SLC9A9: variants seen among roughly 807,000 people sequenced by gnomAD.
SLC9A9 encodes sodium/hydrogen exchanger 9.
SLC9A9 carries 62 observed loss-of-function variants against 77.8 expected under a neutral mutation model. The observed-to-expected ratio is 0.80, with a 90% confidence interval of 0.65 to 0.98. The LOEUF (loss-of-function observed/expected upper bound fraction) is 0.98, where lower values mean the gene tolerates loss of function less well. Among genes scored for constraint, SLC9A9 ranks in the 50% least tolerant of loss-of-function variants. The probability of loss-of-function intolerance (pLI) is 0.00; values close to 1 mark genes in which losing one functional copy is unlikely to be tolerated. For synonymous variants in SLC9A9, 320 were observed against 283.5 expected (o/e 1.13, Z -1.29); for missense variants, 775 against 774.9 (o/e 1.00, Z 0.00).
intron 12 of SLC9A9, among the ~76,000 whole-genome samples, chr3:143,417,736 C>T (rs1048177083): frequency 7.9e-5 from 12 of 151,970 alleles, no homozygotes; most frequent in African/African-American, 2.2e-4. Context: ...ACTCCAGAAC[C>T]GTAAGTAATA....
chr3:143,729,246 G>A (rs1344810781), intron 4 of SLC9A9, among the ~76,000 whole-genome samples: 2 of 152,134 alleles, frequency 1.3e-5, no homozygotes, highest in African/African-American at 4.8e-5. Flanking sequence ...CTATATCACT[G>A]TGTTGGCCCT....
intron 4 of SLC9A9, among the ~76,000 whole-genome samples, chr3:143,716,425 T>C (rs1208184706): frequency 1.3e-5 from 2 of 152,040 alleles, no homozygotes; most frequent in African/African-American, 2.4e-5. Context: ...ACTTAGTTTC[T>C]TATTAAATTT....
chr3:143,364,622 C>T (rs1482306217), intron 13 of SLC9A9, among the ~76,000 whole-genome samples: 2 of 152,114 alleles, frequency 1.3e-5, no homozygotes, highest in Non-Finnish European at 2.9e-5. Flanking sequence ...TGATAAATAG[C>T]TGGACACAAA....
intron 4 of SLC9A9, among the ~76,000 whole-genome samples, chr3:143,740,604 T>G (rs1245263798): frequency 2.0e-5 from 3 of 152,216 alleles, no homozygotes; most frequent in African/African-American, 7.2e-5. Flanking sequence ...GTGATATGCT[T>G]TGATAAACAC....
At chr3:143,778,439 C>T (rs529606501) in intron 4 of SLC9A9, among the ~76,000 whole-genome samples, 2 of 152,248 alleles carry the variant, frequency 1.3e-5, no homozygotes, top group Admixed American at 1.3e-4. Context: ...AAATATCGCA[C>T]AGCAATTTCA....
intron 9 of SLC9A9, among the ~76,000 whole-genome samples, chr3:143,547,103 T>A (rs2036803519): frequency 6.6e-6 from 1 of 152,214 alleles, no homozygotes; most frequent in South Asian, 2.1e-4. Context: ...ATACTTTGCT[T>A]TTCTTTTCCC....
At chr3:143,487,074 G>A (rs1327865070) in intron 11 of SLC9A9, among the ~76,000 whole-genome samples, 3 of 151,772 alleles carry the variant, frequency 2.0e-5, no homozygotes, top group African/African-American at 7.3e-5. Flanking sequence ...AGAGTAAAAG[G>A]CTAGAAAAAG....
At chr3:143,447,388 A>C (rs1348047626) in intron 12 of SLC9A9, among the ~76,000 whole-genome samples, 2 of 152,184 alleles carry the variant, frequency 1.3e-5, no homozygotes, top group African/African-American at 4.8e-5. Context: ...AATTTTACAA[A>C]ATACATTTAC....
chr3:143,751,527 TC>T (rs1166281736), intron 4 of SLC9A9, among the ~76,000 whole-genome samples: 1 of 152,126 alleles, frequency 6.6e-6, no homozygotes, highest in African/African-American at 2.4e-5. Flanking sequence ...TGAAGGGCCA[TC>T]CTGACTCCAG....
At chr3:143,841,209 C>G (rs1032147276) in intron 1 of SLC9A9, among the ~76,000 whole-genome samples, 3 of 151,710 alleles carry the variant, frequency 2.0e-5, no homozygotes, top group African/African-American at 7.3e-5. Context: ...TACACACACG[C>G]ACACACACAC....
At chr3:143,333,119 CT>C (rs1268739069) in intron 14 of SLC9A9, among the ~76,000 whole-genome samples, 5 of 152,128 alleles carry the variant, frequency 3.3e-5, no homozygotes, top group Non-Finnish European at 5.9e-5. Flanking sequence ...GGAACTGTGC[CT>C]TTCATGTTCT....
At chr3:143,398,242 T>A (rs1232854798) in intron 12 of SLC9A9, among the ~76,000 whole-genome samples, 2 of 152,174 alleles carry the variant, frequency 1.3e-5, no homozygotes, top group African/African-American at 4.8e-5. Context: ...AGGATAAAGC[T>A]CTTCATTCCT....
chr3:143,265,910 A>G lies in SLC9A9; in HGVS notation c.*792T>C. 1 of 610,450 alleles carries G rather than the reference A, an allele frequency of 1.6e-6. No individual in the cohort carries two copies. Among genetic ancestry groups the G allele is most frequent in the South Asian group, 1.9e-5 (1 of 52,134 alleles). 37.8% of individuals were successfully genotyped at this position (610,450 alleles called of 1,614,324 possible). ...GCGGGGAGGGGGGGACCTGCTGCACAGCCAAGAAGTGACTCACATGCAGGC... is the reference window on the plus strand; with the variant it reads ...GCGGGGAGGGGGGGACCTGCTGCACGGCCAAGAAGTGACTCACATGCAGGC... On this transcript the variant is annotated 3_prime_UTR_variant, in exon 16 of 16. Coordinates refer to ENST00000316549, the MANE Select transcript of SLC9A9 (RefSeq NM_173653.4).
chr3:143,303,393 A>T (rs2030623580), intron 14 of SLC9A9, among the ~76,000 whole-genome samples: 1 of 149,844 alleles, frequency 6.7e-6, no homozygotes, highest in Non-Finnish European at 1.5e-5. Flanking sequence ...TTTTGAGGGA[A>T]GGAGGGAAGG....
chr3:143,425,965 C>T (rs903695883), intron 12 of SLC9A9, among the ~76,000 whole-genome samples: 1 of 130,224 alleles, frequency 7.7e-6, no homozygotes, highest in Non-Finnish European at 1.6e-5. Flanking sequence ...ACTAAAGAGC[C>T]ACAATGGCTT....
intron 4 of SLC9A9, among the ~76,000 whole-genome samples, chr3:143,739,061 C>T (rs1935016404): frequency 6.6e-6 from 1 of 152,096 alleles, no homozygotes; most frequent in South Asian, 2.1e-4. Context: ...TGTCTCTCTC[C>T]CCTCTCCTGG....
chr3:143,566,790 G>T (rs2037176688), intron 8 of SLC9A9, among the ~76,000 whole-genome samples: 1 of 152,076 alleles, frequency 6.6e-6, no homozygotes, highest in African/African-American at 2.4e-5. Flanking sequence ...GTTGCCATTA[G>T]AAATCTTACT....
At position 143,393,698 on chromosome 3, in the gene SLC9A9, C is replaced by T. The variant is rs548312964; in HGVS notation, c.1470-11584G>A. On this transcript the variant is annotated intron_variant, in intron 12 of 15. Coordinates refer to ENST00000316549, the MANE Select transcript of SLC9A9 (RefSeq NM_173653.4). Reference sequence around the variant, plus strand: ...GAAAAGATCAACAAAATTGATAGACCGCTAGCAAGACTAATAAAGAAGAAA... The same window carrying T: ...GAAAAGATCAACAAAATTGATAGACTGCTAGCAAGACTAATAAAGAAGAAA... Among the ~76,000 whole-genome samples, 782 of 151,668 alleles carry T rather than the reference C, an allele frequency of 5.2e-3. 6 individuals carry two copies. Among genetic ancestry groups the T allele is most frequent in the African/African-American group, 0.018 (739 of 41,342 alleles).
intron 12 of SLC9A9, among the ~76,000 whole-genome samples, chr3:143,400,787 T>C (rs1346532178): frequency 6.6e-6 from 1 of 150,964 alleles, no homozygotes; most frequent in African/African-American, 2.4e-5. Context: ...TTTTAGTCAC[T>C]GGGTGGAATC....
Sources: gnomAD v4.1 joint callset for allele counts (sites outside exome capture counted in the v4.1 genomes callset) on GRCh38, gnomAD v4.1.1 for gene constraint, MANE v1.5 for transcripts, NCBI Gene and HGNC (gene_info 2026-07-23, HGNC 2026-07-21) for gene names.